CARMIL2: variants seen among roughly 807,000 people sequenced by gnomAD.
CARMIL2 encodes capping protein, Arp2/3 and myosin-I linker protein 2.
Under a neutral mutation model 173.3 loss-of-function variants are expected in CARMIL2, and 96 were observed. That is an observed-to-expected ratio of 0.55 (90% CI 0.47 to 0.66). CARMIL2 has a LOEUF of 0.66. CARMIL2 is among the 30% of genes least tolerant of loss of function. The pLI is 0.00. For missense variants in CARMIL2, 1,771 were observed against 1,906.7 expected (o/e 0.93, Z 1.33); for synonymous variants, 830 against 817.1 (o/e 1.02, Z -0.27).
rs780153133 is a variant in CARMIL2 at position 67,646,554 on chromosome 16, G to T, written c.466+37G>T. 6.2e-7 allele frequency: 1 copy of T among 1,601,648 alleles called. No individual in the cohort carries two copies. Among genetic ancestry groups the T allele is most frequent in the Non-Finnish European group, 8.5e-7 (1 of 1,171,628 alleles). On this transcript the variant is annotated intron_variant, in intron 6 of 37. Transcript: ENST00000334583. The surrounding 1 kb of genome is among the most constrained non-coding windows in gnomAD (Gnocchi z 4.6). ...GGCAGAGCCACAGGCCTTCCAGCCT[G>T]CCCCACCTCTGCCTCCCCAGACCCG...
Position 67,645,587 on chromosome 16 carries a change from A to T in CARMIL2, c.88A>T (p.Lys30Ter). 6.2e-7 allele frequency: 1 copy of T among 1,613,148 alleles called. No homozygotes were observed. The highest frequency in any genetic ancestry group is 8.5e-7 in the Non-Finnish European group (1 of 1,179,648). Residue 30 changes from lysine (K) to a stop codon, truncating the protein, a stop_gained, in exon 2 of 38, where the codon AAA becomes TAA. Transcript: ENST00000334583. LOFTEE classifies it high-confidence loss of function. ...LWPKEVELLL[K>*]TWLPGEGAVQ... Reference sequence around the variant, plus strand: ...GCCCAAAGAGGTGGAGCTGCTGCTGAAAACCTGGCTACCCGGGGAGGGTGC... The same window carrying T: ...GCCCAAAGAGGTGGAGCTGCTGCTGTAAACCTGGCTACCCGGGGAGGGTGC...
chr16:67,653,574 C>G lies in CARMIL2; in HGVS notation c.3120+320C>G, dbSNP rs1026332898. On this transcript the variant is annotated intron_variant, in intron 29 of 37. Coordinates refer to ENST00000334583, the MANE Select transcript of CARMIL2 (RefSeq NM_001013838.3). This position sits in a 1 kb window ranked among gnomAD's most constrained non-coding sequence, Gnocchi z 7.4. ...CTCCCCCGGGGCTGCTGAGAGATGC[C>G]GGGCAGCCGGGTAGCCGAGCCGCGG... 2.6e-5 allele frequency among the ~76,000 whole-genome samples: 4 copies of G among 152,122 alleles called. No homozygotes were observed. The highest frequency in any genetic ancestry group is 9.7e-5 in the African/African-American group (4 of 41,432).
At chr16:67,650,665 A>C in intron 22 of CARMIL2, 1 of 173,968 alleles carries the variant, frequency 5.7e-6, no homozygotes. Context: ...TCGCTCACAA[A>C]CCCTGTTGTC....
Position 67,654,882 on chromosome 16 carries a change from C to G in CARMIL2, c.3687C>G (p.Ala1229=). ...GCGTCAGCCGAGGCAGCGGGGGTGC[C>G]GAAGGCAAGAGGAAGCAAGTGAGTT... ...RIGVSRGSGG[A]EGKRKQSKDG... The change falls in exon 32 of 38, where the codon GCC becomes GCG. Residue 1229 remains alanine (A), a synonymous_variant. Coordinates refer to ENST00000334583, the MANE Select transcript of CARMIL2 (RefSeq NM_001013838.3). 1 of 1,613,594 alleles carries G rather than the reference C, an allele frequency of 6.2e-7. No homozygotes were observed. Among genetic ancestry groups the G allele is most frequent in the East Asian group, 2.2e-5 (1 of 44,888 alleles).
rs1423706565 is a variant in CARMIL2, at chr16:67,649,299, G to A, written c.1734G>A (p.Gln578=). Residue 578 remains glutamine (Q), a synonymous_variant, in exon 19 of 38, where the codon CAG becomes CAA. Transcript: ENST00000334583. The surrounding 1 kb of genome is among the most constrained non-coding windows in gnomAD (Gnocchi z 6.7). ...TGCACCGGATTGTCCAGCTCATGCA[G>A]GACGACGATTGTGTGAGTTCACGGG... ...DVLHRIVQLM[Q]DDDCPLQSLS... is the part of the protein sequence containing the mutation. The A allele has an allele frequency of 6.2e-7, 1 of 1,612,610 alleles. No homozygotes were observed. The highest frequency in any genetic ancestry group is 8.5e-7 in the Non-Finnish European group (1 of 1,179,678).
At chr16:67,650,437 T>TGTGCC in intron 22 of CARMIL2, 1 of 507,678 alleles carries the variant, frequency 2.0e-6, no homozygotes, top group Non-Finnish European at 3.6e-6. Flanking sequence ...CCCATCTCTG[T>TGTGCC]CCTCACATAT....
chr16:67,654,913 G>A lies in CARMIL2; in HGVS notation c.3705+13G>A, dbSNP rs2052812734. 1.2e-6 allele frequency: 2 copies of A among 1,613,054 alleles called. No homozygotes were observed. Among genetic ancestry groups the A allele is most frequent in the Non-Finnish European group, 1.7e-6 (2 of 1,179,742 alleles). On this transcript the variant is annotated intron_variant, in intron 32 of 37. Transcript: ENST00000334583. ...CAAGAGGAAGCAAGTGAGTTGAGGG[G>A]ACCTGAGCATGAAGTGAGAGGGCAG...
At position 67,649,020 on chromosome 16, in the gene CARMIL2, CA is replaced by C. The variant is rs768641590; in HGVS notation, c.1591+48del. ...ATCCTCGCATCATCCACTCGATTCC[CA>C]ATCCCCACCCTACCCTTGCAACTTC... On this transcript the variant is annotated intron_variant, in intron 17 of 37. Transcript: ENST00000334583. The surrounding 1 kb of genome is among the most constrained non-coding windows in gnomAD (Gnocchi z 6.7). 46 of 1,601,848 alleles carry C rather than the reference CA, an allele frequency of 2.9e-5. No individual in the cohort carries two copies. The highest frequency in any genetic ancestry group is 3.9e-5 in the Non-Finnish European group (46 of 1,174,680).
In CARMIL2 at chr16:67,651,213, G is replaced by A. The variant is rs1460613391; in HGVS notation, c.2211G>A (p.Val737=). The A allele has an allele frequency of 1.9e-6, 3 of 1,613,406 alleles. No individual in the cohort carries two copies. Among genetic ancestry groups the A allele is most frequent in the Non-Finnish European group, 2.5e-6 (3 of 1,179,830 alleles). The change falls in exon 23 of 38, where the codon GTG becomes GTA. Residue 737 remains valine, a synonymous_variant. Coordinates refer to ENST00000334583, the MANE Select transcript of CARMIL2 (RefSeq NM_001013838.3). This position sits in a 1 kb window ranked among gnomAD's most constrained non-coding sequence, Gnocchi z 4.2. The part of the protein sequence containing the change: ...EQEVNELCQS[V]QEHVELLGCG... ...AAGTGAATGAATTGTGTCAGTCGGTGCAGGAGCATGTGGAGCTGCTGGGCT... is the reference window on the plus strand; with the variant it reads ...AAGTGAATGAATTGTGTCAGTCGGTACAGGAGCATGTGGAGCTGCTGGGCT...
chr16:67,652,129 C>A lies in CARMIL2; in HGVS notation c.2677-70C>A. ...ATGTAGCCCAGGGCTATTTCAGGGTCCCCTTAGTTAGCATCAATGGGATCA... is the reference window on the plus strand; with the variant it reads ...ATGTAGCCCAGGGCTATTTCAGGGTACCCTTAGTTAGCATCAATGGGATCA... On this transcript the variant is annotated intron_variant, in intron 26 of 37. Coordinates refer to ENST00000334583, the MANE Select transcript of CARMIL2 (RefSeq NM_001013838.3). The surrounding 1 kb of genome is among the most constrained non-coding windows in gnomAD (Gnocchi z 4.7). 1 of 1,597,022 alleles carries A rather than the reference C, an allele frequency of 6.3e-7. No individual in the cohort carries two copies.
At position 67,647,690 on chromosome 16, in the gene CARMIL2, A is replaced by T. The variant is rs200137927; in HGVS notation, c.882A>T (p.Ala294=). 3.5e-4 allele frequency: 566 copies of T among 1,599,636 alleles called. 3 individuals carry two copies. In the African/African-American group the frequency reaches 6.8e-3, roughly 19 times the overall value. The change falls in exon 12 of 38, where the codon GCA becomes GCT. Residue 294 remains alanine (A), a synonymous_variant. Transcript: ENST00000334583. ...GNLLDDRGMT[A]LSRHLERCPG... is the part of the protein sequence containing the mutation. ...TTCCCACCCCCCAAGGCATGACTGC[A>T]CTCAGCAGACACCTCGAGCGTTGTC...
At position 67,654,523 on chromosome 16, in the gene CARMIL2, C is replaced by T. The variant is rs1295562552; in HGVS notation, c.3413C>T (p.Pro1138Leu). Residue 1138 changes from proline to leucine, a missense_variant, in exon 31 of 38, where the codon CCG (proline) becomes CTG (leucine). Around this residue, in one of 3 missense-constraint regions of CARMIL2, gnomAD observed 817 missense variants for 903.5 expected, o/e 0.90. Coordinates refer to ENST00000334583, the MANE Select transcript of CARMIL2 (RefSeq NM_001013838.3). Reference protein sequence around the residue: ...RKTTFGDLLRPPTRPSRGEEL... With the variant: ...RKTTFGDLLRLPTRPSRGEEL... ...ACTACATTTGGCGACCTACTGCGGC[C>T]GCCAACCCGTCCCAGCCGTGGTGAG... 3.1e-6 allele frequency: 5 copies of T among 1,611,566 alleles called. No homozygotes were observed. The highest frequency in any genetic ancestry group is 1.7e-5 in the Admixed American group (1 of 59,790).
chr16:67,648,756 T>G lies in CARMIL2; in HGVS notation c.1509+2T>G. 1 of 1,599,958 alleles carries G rather than the reference T, an allele frequency of 6.3e-7. No individual in the cohort carries two copies. Among genetic ancestry groups the G allele is most frequent in the Non-Finnish European group, 8.5e-7 (1 of 1,173,952 alleles). ...CACCTGGACCTCAGCGCTTGCGAGG[T>G]GAGCGCCGGCCCCCAGAAGAGACCA... On this transcript the variant is annotated splice_donor_variant, in intron 16 of 37. Transcript: ENST00000334583. LOFTEE classifies it high-confidence loss of function. The surrounding 1 kb of genome is among the most constrained non-coding windows in gnomAD (Gnocchi z 6.1).
rs2052766912 is a variant in CARMIL2, at chr16:67,653,333, G to T, written c.3120+79G>T. On this transcript the variant is annotated intron_variant, in intron 29 of 37. Transcript: ENST00000334583. This position sits in a 1 kb window ranked among gnomAD's most constrained non-coding sequence, Gnocchi z 7.4. ...CCGGCCGCTCCTCATGGGTGGTAGC[G>T]GTCAAGGAGAGGGGGTGGTGGGGGC... 1 of 708,478 alleles carries T rather than the reference G, an allele frequency of 1.4e-6. No homozygotes were observed. The highest frequency in any genetic ancestry group is 1.9e-5 in the African/African-American group (1 of 52,640). The allele number at this position is 708,478 out of a possible 1,614,324, so 43.9% of individuals were successfully genotyped here. A position where few individuals can be genotyped will look rare whatever the true frequency, so the allele number is the denominator to read the frequency against.
chr16:67,646,476 G>C lies in CARMIL2; in HGVS notation c.425G>C (p.Arg142Thr). Residue 142 changes from arginine to threonine, a missense_variant, in exon 6 of 38, where the codon AGA becomes ACA. Physicochemically the swap from Arg to Thr is moderately conservative, Grantham distance 71. Around this residue, in one of 3 missense-constraint regions of CARMIL2, gnomAD observed 944 missense variants for 975.6 expected, o/e 0.97. Transcript: ENST00000334583. This position sits in a 1 kb window ranked among gnomAD's most constrained non-coding sequence, Gnocchi z 4.6. ...GCCTCCATGCTGGCTCGGCTGGAGA[G>C]AAGCAGCCCCTCGGAGTCCACTGAC... ...TPASMLARLE[R>T]SSPSESTDPC... The C allele has an allele frequency of 6.2e-7, 1 of 1,613,566 alleles. No individual in the cohort carries two copies. Among genetic ancestry groups the C allele is most frequent in the Non-Finnish European group, 8.5e-7 (1 of 1,179,878 alleles).
At position 67,656,664 on chromosome 16, in the gene CARMIL2, C is replaced by A. The variant is rs529077038; in HGVS notation, c.4036+19C>A. On this transcript the variant is annotated intron_variant, in intron 35 of 37. Coordinates refer to ENST00000334583, the MANE Select transcript of CARMIL2 (RefSeq NM_001013838.3). ...AATGAAGGTAGGCAGGCACCTGATTCCCCACCCCAATCCTGGCCTCGGGGC... is the reference window on the plus strand; with the variant it reads ...AATGAAGGTAGGCAGGCACCTGATTACCCACCCCAATCCTGGCCTCGGGGC... 1.9e-6 allele frequency: 3 copies of A among 1,578,092 alleles called. No individual in the cohort carries two copies. Among genetic ancestry groups the A allele is most frequent in the African/African-American group, 1.4e-5 (1 of 73,848 alleles).
rs753176083 is a variant in CARMIL2 at position 67,656,649 on chromosome 16, G to A, written c.4036+4G>A. 8 of 1,582,314 alleles carry A rather than the reference G, an allele frequency of 5.1e-6. No homozygotes were observed. In the African/African-American group the frequency reaches 5.4e-5, roughly 11 times the overall value. On this transcript the variant is annotated splice_donor_region_variant and intron_variant, in intron 35 of 37. Transcript: ENST00000334583. ...TGCTTGGGCCCCAGAAATGAAGGTAGGCAGGCACCTGATTCCCCACCCCAA... is the reference window on the plus strand; with the variant it reads ...TGCTTGGGCCCCAGAAATGAAGGTAAGCAGGCACCTGATTCCCCACCCCAA...
Position 67,647,200 on chromosome 16 carries a change from G to A in CARMIL2, c.687+9G>A. 6 of 1,613,788 alleles carry A rather than the reference G, an allele frequency of 3.7e-6. No individual in the cohort carries two copies. Among genetic ancestry groups the A allele is most frequent in the South Asian group, 1.1e-5 (1 of 91,088 alleles). On this transcript the variant is annotated intron_variant, in intron 9 of 37. Coordinates refer to ENST00000334583, the MANE Select transcript of CARMIL2 (RefSeq NM_001013838.3). ...GTGTGGACATGAAGCTGGTGAGGGGGTTCGGGGTAAGGGCAGGGAGGGGCC... is the reference window on the plus strand; with the variant it reads ...GTGTGGACATGAAGCTGGTGAGGGGATTCGGGGTAAGGGCAGGGAGGGGCC...
chr16:67,646,565 G>A lies in CARMIL2; in HGVS notation c.466+48G>A. 1 of 1,597,028 alleles carries A rather than the reference G, an allele frequency of 6.3e-7. No homozygotes were observed. Among genetic ancestry groups the A allele is most frequent in the Non-Finnish European group, 8.6e-7 (1 of 1,167,966 alleles). On this transcript the variant is annotated intron_variant, in intron 6 of 37. Transcript: ENST00000334583. The surrounding 1 kb of genome is among the most constrained non-coding windows in gnomAD (Gnocchi z 4.6). Reference sequence around the variant, plus strand: ...AGGCCTTCCAGCCTGCCCCACCTCTGCCTCCCCAGACCCGCAAGCTGGGGG... The same window carrying A: ...AGGCCTTCCAGCCTGCCCCACCTCTACCTCCCCAGACCCGCAAGCTGGGGG...
Sources: gnomAD v4.1 joint callset for allele counts (sites outside exome capture counted in the v4.1 genomes callset) on GRCh38, gnomAD v4.1.1 for gene constraint, gnomAD v4.1.1 regional missense constraint, Gnocchi (gnomAD v3.1) non-coding constraint, MANE v1.5 for transcripts, NCBI Gene and HGNC (gene_info 2026-07-23, HGNC 2026-07-21) for gene names.